Variants in ZNF254 observed in about 807,000 individuals in gnomAD.
The protein encoded by ZNF254 is zinc finger protein 254.
ZNF254 carries 10 observed loss-of-function variants against 12.4 expected under a neutral mutation model. The ratio of observed to expected loss-of-function variants is 0.80; its 90% CI spans 0.50 to 1.36. ZNF254 has a LOEUF of 1.36. Among genes scored for constraint, ZNF254 ranks in the 40% most tolerant of loss-of-function variants. The pLI, the probability that ZNF254 is intolerant of heterozygous loss-of-function variation, is 0.00. For synonymous variants in ZNF254, 305 were observed against 253.4 expected, an observed-to-expected ratio of 1.20 and a Z score of -1.93; for missense variants, 996 against 763.9, an observed-to-expected ratio of 1.30 and a Z score of -3.58.
At chr19:24,107,409 G>T in intron 3 of ZNF254, 1 of 398,600 alleles carries the variant, frequency 2.5e-6, no homozygotes, top group Non-Finnish European at 4.4e-6. Context: ...AGATTTATGA[G>T]CTCCTTGTTT....
chr19:24,070,907 T>A (rs750322983), intron 2 of ZNF254, among the ~76,000 whole-genome samples: 7 of 152,222 alleles, frequency 4.6e-5, no homozygotes, highest in Non-Finnish European at 1.0e-4. Context: ...CCACATGGGC[T>A]ATTGTAACAT....
intron 2 of ZNF254, among the ~76,000 whole-genome samples, chr19:24,051,543 G>A (rs1397007345): frequency 2.6e-5 from 4 of 152,088 alleles, no homozygotes; most frequent in Admixed American, 6.5e-5. Flanking sequence ...TGACTCTGCT[G>A]TTTCATCTCT....
At chr19:24,124,204 C>G (rs754289405) in intron 3 of ZNF254, among the ~76,000 whole-genome samples, 6 of 152,058 alleles carry the variant, frequency 3.9e-5, no homozygotes, top group Non-Finnish European at 8.8e-5. Context: ...ATATTTTAAT[C>G]TGGTAAATAA....
At chr19:24,037,587 C>T (rs1173660138) in intron 1 of ZNF254, among the ~76,000 whole-genome samples, 1 of 151,986 alleles carries the variant, frequency 6.6e-6, no homozygotes, top group Non-Finnish European at 1.5e-5. Context: ...GCGTGCACTA[C>T]AATGCCCGGC....
At chr19:24,119,524 C>T (rs1215222856) in intron 3 of ZNF254, among the ~76,000 whole-genome samples, 5 of 152,086 alleles carry the variant, frequency 3.3e-5, no homozygotes, top group Admixed American at 3.3e-4. Flanking sequence ...GGGTCTCACT[C>T]TCTCAACCAG....
intron 1 of ZNF254, among the ~76,000 whole-genome samples, chr19:24,092,691 T>A (rs1972465091): frequency 1.3e-5 from 2 of 152,238 alleles, no homozygotes; most frequent in African/African-American, 4.8e-5. Flanking sequence ...ATACCATATT[T>A]TCTTTATTCA....
rs34508258 is a variant in ZNF254 at position 24,046,373 on chromosome 19, TTATATATA to T, written c.-94+114_-94+121del. 7.2e-4 allele frequency: 69 copies of T among 95,492 alleles called. 2 individuals are homozygous for T. Among genetic ancestry groups the T allele is most frequent in the African/African-American group, 2.8e-3 (65 of 23,556 alleles). The allele number at this position is 95,492 out of a possible 1,614,324, so 5.9% of individuals were successfully genotyped here. A position where few individuals can be genotyped will look rare whatever the true frequency, so the allele number is the denominator to read the frequency against. ...TTGTCTTCCATTATTTTATTATTTT[TTATATATA>T]TATATATATATATATATATGTGCAG... On this transcript the variant is annotated intron_variant, in intron 2 of 4. Coordinates refer to the ZNF254 transcript ENST00000613065.
chr19:24,051,400 G>A (rs56356944), intron 2 of ZNF254, among the ~76,000 whole-genome samples: 1 of 151,886 alleles, frequency 6.6e-6, no homozygotes, highest in South Asian at 2.1e-4. Context: ...CCTCAAGTGA[G>A]CCACCTGCCT....
chr19:24,088,530 A>G (rs1437922626), intron 1 of ZNF254, among the ~76,000 whole-genome samples: 1 of 152,132 alleles, frequency 6.6e-6, no homozygotes, highest in African/African-American at 2.4e-5. Context: ...CTTGCAGGAA[A>G]ATACTAAATT....
At chr19:24,121,303 G>T (rs1974464992) in intron 3 of ZNF254, among the ~76,000 whole-genome samples, 1 of 151,406 alleles carries the variant, frequency 6.6e-6, no homozygotes, top group African/African-American at 2.4e-5. Context: ...TCTACTTGAT[G>T]GTGTCTAATA....
chr19:24,040,297 A>C (rs1970109635), intron 1 of ZNF254, among the ~76,000 whole-genome samples: 1 of 152,226 alleles, frequency 6.6e-6, no homozygotes, highest in South Asian at 2.1e-4. Context: ...GCTGGAGCTC[A>C]GAATTTTTCC....
chr19:24,070,654 A>G (rs1442365863), intron 2 of ZNF254, among the ~76,000 whole-genome samples: 1 of 152,200 alleles, frequency 6.6e-6, no homozygotes, highest in African/African-American at 2.4e-5. Flanking sequence ...TATGTGAGGA[A>G]TTATTCATGT....
chr19:24,087,007 G>C (rs567013444), upstream of ZNF254, among the ~76,000 whole-genome samples: 737 of 152,312 alleles, frequency 4.8e-3, 5 homozygotes, highest in African/African-American at 0.016. Flanking sequence ...AGCCCTGCCC[G>C]ATAAGGCTGC....
chr19:24,117,030 C>G (rs998357421), intron 3 of ZNF254, among the ~76,000 whole-genome samples: 16 of 152,158 alleles, frequency 1.1e-4, no homozygotes, highest in African/African-American at 3.9e-4. Flanking sequence ...ACCGCGAATA[C>G]TGCTGTCTGA....
upstream of ZNF254, among the ~76,000 whole-genome samples, chr19:24,085,187 C>T (rs1471265614): frequency 1.3e-5 from 2 of 151,476 alleles, no homozygotes; most frequent in East Asian, 1.9e-4. Context: ...CCACCTCGGC[C>T]TCCCAAAGTG....
At position 24,123,614 on chromosome 19, in the gene ZNF254, G is replaced by A. The variant is rs144628739; in HGVS notation, c.254-2640G>A. Among the ~76,000 whole-genome samples the A allele has an allele frequency of 4.4e-3, 672 of 151,948 alleles. 2 individuals carry two copies. Among genetic ancestry groups the A allele is most frequent in the Middle Eastern group, 0.017 (5 of 292 alleles). ...GACACACACACACACACCTGCGTGC[G>A]TGCACAAACACATACACACACACAC... On this transcript the variant is annotated intron_variant, in intron 3 of 3. Coordinates refer to ENST00000357002, the MANE Select transcript of ZNF254 (RefSeq NM_203282.4).
chr19:24,100,226 G>A (rs1972927529), intron 1 of ZNF254, among the ~76,000 whole-genome samples: 1 of 152,014 alleles, frequency 6.6e-6, no homozygotes, highest in African/African-American at 2.4e-5. Context: ...AACCTAATCA[G>A]AGTAACAGTG....
intron 2 of ZNF254, among the ~76,000 whole-genome samples, chr19:24,067,090 C>T (rs1971302973): frequency 6.6e-6 from 1 of 151,944 alleles, no homozygotes; most frequent in Non-Finnish European, 1.5e-5. Flanking sequence ...TATTACTGAA[C>T]TAAGCACCAA....
rs1234974440 is a variant in ZNF254 at position 24,128,813 on chromosome 19, CAG to C, written c.*835_*836del. ...TGCTGAGTATAGAAAATAATACAAA[CAG>C]ATTTGTCTAAACATTTGTATATAAC... On this transcript the variant is annotated 3_prime_UTR_variant, in exon 4 of 4. Transcript: ENST00000357002. 5.3e-5 allele frequency: 8 copies of C among 152,028 alleles called. No homozygotes were observed. In the East Asian group the frequency reaches 7.7e-4, roughly 15 times the overall value. 9.4% of individuals were successfully genotyped at this position (152,028 alleles called of 1,614,324 possible).
Sources: gnomAD v4.1 joint callset for allele counts (sites outside exome capture counted in the v4.1 genomes callset) on GRCh38, gnomAD v4.1.1 for gene constraint, MANE v1.5 for transcripts, NCBI Gene and HGNC (gene_info 2026-07-23, HGNC 2026-07-21) for gene names.